NARS2: variants seen among roughly 807,000 people sequenced by gnomAD.
The protein encoded by NARS2 is asparaginyl-tRNA synthetase.
A neutral mutation model predicts 62.9 loss-of-function variants in NARS2; 60 were observed. The observed-to-expected ratio is 0.95, with a 90% CI of 0.77 to 1.18. The LOEUF is 1.18. NARS2 is among the 50% of genes most tolerant of loss of function. The pLI is 0.00. For synonymous variants in NARS2, 196 were observed against 200.0 expected (o/e 0.98, Z 0.17); for missense variants, 619 against 576.4 (o/e 1.07, Z -0.76).
At chr11:78,489,656 A>G (rs567498119) in intron 7 of NARS2, among the ~76,000 whole-genome samples, 1 of 152,316 alleles carries the variant, frequency 6.6e-6, no homozygotes, top group African/African-American at 2.4e-5. Flanking sequence ...ATACCAAAAG[A>G]TAACTCCACT....
chr11:78,482,657 T>A (rs1235616788), intron 7 of NARS2, among the ~76,000 whole-genome samples: 1 of 152,070 alleles, frequency 6.6e-6, no homozygotes, highest in Non-Finnish European at 1.5e-5. Flanking sequence ...ATGGATAAAT[T>A]CCTGGACATA....
At chr11:78,480,890 C>A (rs1859325041) in intron 7 of NARS2, among the ~76,000 whole-genome samples, 1 of 151,932 alleles carries the variant, frequency 6.6e-6, no homozygotes, top group East Asian at 1.9e-4. Context: ...GCCATCTCAG[C>A]CCACTGCAGC....
rs146629275 is a variant in NARS2, at chr11:78,505,157, T to A, written c.690-11962A>T. ...AAATGAAGCCAGGAGTGGTAGCTCA[T>A]GTCTGTAGTTCCAACAGTTTGGGAG... is the stretch of plus-strand genomic sequence containing the variant. On this transcript the variant is annotated intron_variant, in intron 6 of 13. Transcript: ENST00000281038. Among the ~76,000 whole-genome samples the A allele has an allele frequency of 2.6e-3, 396 of 151,838 alleles. 2 individuals are homozygous for A. Among genetic ancestry groups the A allele is most frequent in the Middle Eastern group, 0.01 (3 of 292 alleles).
intron 13 of NARS2, 70 bp from the exon 14 acceptor site, chr11:78,436,884 T>G (rs757900472): frequency 1.6e-4 from 240 of 1,476,200 alleles, no homozygotes; most frequent in Middle Eastern, 1.2e-3. Context: ...TAGAATTTAA[T>G]GTTTCAAACG....
chr11:78,570,219 A>G (rs1856876296), intron 2 of NARS2, among the ~76,000 whole-genome samples: 1 of 152,182 alleles, frequency 6.6e-6, no homozygotes, highest in Admixed American at 6.5e-5. Flanking sequence ...TTACATCAGA[A>G]CAATTTTTTT....
intron 5 of NARS2, among the ~76,000 whole-genome samples, chr11:78,543,793 G>C (rs557817386): frequency 6.6e-6 from 1 of 151,966 alleles, no homozygotes; most frequent in Non-Finnish European, 1.5e-5. Flanking sequence ...AGCACTTTGG[G>C]AGGCCAAGGC....
At chr11:78,447,118 G>A (rs544328834) in intron 11 of NARS2, among the ~76,000 whole-genome samples, 3 of 148,786 alleles carry the variant, frequency 2.0e-5, no homozygotes, top group African/African-American at 7.4e-5. Context: ...TAATTATTAA[G>A]AAAATGAAAA....
intron 9 of NARS2, among the ~76,000 whole-genome samples, chr11:78,476,660 C>T (rs1752551946): frequency 6.6e-6 from 1 of 152,184 alleles, no homozygotes; most frequent in Admixed American, 6.5e-5. Context: ...ATGTCCCTCT[C>T]CCCACAAATT....
In NARS2 at chr11:78,451,300, A is replaced by G. The variant is rs144509835; in HGVS notation, c.1165-7542T>C. Among the ~76,000 whole-genome samples, 158 of 152,348 alleles carry G rather than the reference A, an allele frequency of 1.0e-3. 2 individuals are homozygous for G. The East Asian group carries it at 0.024, about 23-fold the overall frequency. On this transcript the variant is annotated intron_variant, in intron 11 of 13. Transcript: ENST00000281038. ...AGTTAGGATTGAAATTCCAGGTAGA[A>G]TTCTTCTACCTTGTATCTCCCCCTG...
rs1318208966 is a variant in NARS2, at chr11:78,461,700, A to G, written c.1164+4176T>C. ...AAACTTTCATGCCTGTAATCCAAACACTTTAGGAGGCTGAGGCGGATGGAC... is the reference window on the plus strand; with the variant it reads ...AAACTTTCATGCCTGTAATCCAAACGCTTTAGGAGGCTGAGGCGGATGGAC... On this transcript the variant is annotated intron_variant, in intron 11 of 13. Coordinates refer to ENST00000281038, the MANE Select transcript of NARS2 (RefSeq NM_024678.6). Among the ~76,000 whole-genome samples the G allele has an allele frequency of 2.7e-5, 4 of 149,560 alleles. No homozygotes were observed. In the Admixed American group the frequency reaches 2.7e-4, roughly 10 times the overall value.
rs1182140926 is a variant in NARS2, at chr11:78,500,918, C to T, written c.690-7723G>A. 2.6e-5 allele frequency among the ~76,000 whole-genome samples: 4 copies of T among 152,064 alleles called. No individual in the cohort carries two copies. In the South Asian group the frequency reaches 6.2e-4, roughly 24 times the overall value. The stretch of plus-strand genomic sequence containing the variant: ...ACTAGCCTGGGCAACATGGTGAAAC[C>T]CCGTCTCTACAAAAAATACAAAAAT... On this transcript the variant is annotated intron_variant, in intron 6 of 13. Transcript: ENST00000281038.
At chr11:78,505,020 C>T (rs1177632585) in intron 6 of NARS2, among the ~76,000 whole-genome samples, 1 of 151,372 alleles carries the variant, frequency 6.6e-6, no homozygotes, top group African/African-American at 2.4e-5. Context: ...TTCTATAATT[C>T]ATGCACACAG....
chr11:78,440,484 G>GATA (rs575918821), intron 13 of NARS2, among the ~76,000 whole-genome samples: 9 of 152,166 alleles, frequency 5.9e-5, no homozygotes, highest in African/African-American at 2.2e-4. Flanking sequence ...GAAGGGTCAG[G>GATA]ATAATAGTAC....
In NARS2 at chr11:78,465,802, A is replaced by G. The variant is rs1182057955; in HGVS notation, c.1164+74T>C. 8 of 1,471,306 alleles carry G rather than the reference A, an allele frequency of 5.4e-6. No homozygotes were observed. The East Asian group carries it at 1.8e-4, about 33-fold the overall frequency. 91.1% of individuals were successfully genotyped at this position (1,471,306 alleles called of 1,614,324 possible). A position where few individuals can be genotyped will look rare whatever the true frequency, so the allele number is the denominator to read the frequency against. ...GATAGAGTGATAGATGACATTTAAG[A>G]AAAGATCACAAAGGCTAAATGAAAA... On this transcript the variant is annotated intron_variant, in intron 11 of 13. Transcript: ENST00000281038.
chr11:78,574,334 T>C lies in NARS2; in HGVS notation c.141+14A>G. The C allele has an allele frequency of 6.2e-7, 1 of 1,614,172 alleles. No homozygotes were observed. The highest frequency in any genetic ancestry group is 2.2e-5 in the East Asian group (1 of 44,878). ...CCCTACAAGAAAAAACCCACTCCCT[T>C]CCCATTCACCAACCTGGATCTTAAT... On this transcript the variant is annotated intron_variant, in intron 1 of 13. Transcript: ENST00000281038.
intron 11 of NARS2, among the ~76,000 whole-genome samples, chr11:78,455,320 C>G (rs548469887): frequency 1.3e-5 from 2 of 152,282 alleles, no homozygotes; most frequent in East Asian, 3.9e-4. Flanking sequence ...ATTTTAAAAA[C>G]ATTTGTTCAT....
chr11:78,473,871 G>C (rs1858978155), intron 9 of NARS2, among the ~76,000 whole-genome samples: 1 of 152,112 alleles, frequency 6.6e-6, no homozygotes, highest in African/African-American at 2.4e-5. Flanking sequence ...CATTTCAGGG[G>C]ATATCTTGAT....
chr11:78,477,796 C>T (rs1041665905), intron 9 of NARS2, among the ~76,000 whole-genome samples: 1 of 152,148 alleles, frequency 6.6e-6, no homozygotes, highest in Non-Finnish European at 1.5e-5. Flanking sequence ...AGCAGACTGC[C>T]TTTGGACTTG....
chr11:78,437,557 T>C (rs565681872), intron 13 of NARS2, among the ~76,000 whole-genome samples: 2 of 152,270 alleles, frequency 1.3e-5, no homozygotes, highest in African/African-American at 4.8e-5. Flanking sequence ...CAGACATGAC[T>C]GAAACTCAGA....
Sources: gnomAD v4.1 joint callset for allele counts (sites outside exome capture counted in the v4.1 genomes callset) on GRCh38, gnomAD v4.1.1 for gene constraint, MANE v1.5 for transcripts, NCBI Gene and HGNC (gene_info 2026-07-23, HGNC 2026-07-21) for gene names.